AKAP13: variants seen among roughly 807,000 people sequenced by gnomAD.
The protein encoded by AKAP13 is A-kinase anchor protein 13.
AKAP13 carries 80 observed loss-of-function variants against 264.5 expected under a neutral mutation model. The ratio of observed to expected loss-of-function variants is 0.30; its 90% CI spans 0.25 to 0.36. The LOEUF is 0.36. Among genes scored for constraint, AKAP13 ranks in the 10% least tolerant of loss-of-function variants. The pLI is 1.00. For missense variants in AKAP13, 3,712 were observed against 3,435.2 expected, an observed-to-expected ratio of 1.08 and a Z score of -2.01; for synonymous variants, 1,380 against 1,250.2, an observed-to-expected ratio of 1.10 and a Z score of -2.19.
rs1001736114 is a variant in AKAP13 at position 85,610,944 on chromosome 15, G to A, written c.4161+25121G>A. Among the ~76,000 whole-genome samples, 8 of 152,232 alleles carry A rather than the reference G, an allele frequency of 5.3e-5. No homozygotes were observed. In the South Asian group the frequency reaches 8.3e-4, roughly 16 times the overall value. On this transcript the variant is annotated intron_variant, in intron 8 of 36. Transcript: ENST00000394518. ...CAGTGAGTCGACATCGCGCCACTGC[G>A]CTCCAGCCTGGGCAACAAGAGCGAA...
At chr15:85,399,388 C>T (rs922437144) in intron 1 of AKAP13, among the ~76,000 whole-genome samples, 4 of 147,084 alleles carry the variant, frequency 2.7e-5, no homozygotes, top group Non-Finnish European at 3.0e-5. Flanking sequence ...CCCAGCTACT[C>T]GGGAGGCTGA....
chr15:85,741,432 G>A lies in AKAP13; in HGVS notation c.7995G>A (p.Gln2665=), dbSNP rs2151784784. 5.6e-6 allele frequency: 9 copies of A among 1,610,904 alleles called. No homozygotes were observed. The highest frequency in any genetic ancestry group is 7.6e-6 in the Non-Finnish European group (9 of 1,177,620). The change falls in exon 35 of 37, where the codon CAG becomes CAA. Residue 2665 remains glutamine, a synonymous_variant. Transcript: ENST00000394518. ...CCCAGAAACAGCTTGAGAGGGAACA[G>A]GAGCAGCTGCGCCGGGAGGCAGAGC... is the stretch of plus-strand genomic sequence containing the variant. ...RAAQKQLERE[Q]EQLRREAERL...
chr15:85,575,041 A>G (rs2078960189), intron 5 of AKAP13, 90 bp from the exon 6 acceptor site: 1 of 1,280,948 alleles, frequency 7.8e-7, no homozygotes, highest in African/African-American at 1.5e-5. Flanking sequence ...AAGAACAATC[A>G]GGTTAGAAAT....
chr15:85,447,236 C>T (rs928238809), intron 1 of AKAP13, among the ~76,000 whole-genome samples: 7 of 152,086 alleles, frequency 4.6e-5, no homozygotes, highest in Non-Finnish European at 1.0e-4. Context: ...CAGTGCATTC[C>T]AGCCTGGTGA....
At chr15:85,453,458 G>T (rs2074164851) in intron 1 of AKAP13, among the ~76,000 whole-genome samples, 1 of 152,236 alleles carries the variant, frequency 6.6e-6, no homozygotes, top group African/African-American at 2.4e-5. Context: ...TACCAGTGAA[G>T]ACTGTGAAAC....
chr15:85,740,873 G>GAT (rs2088923933), intron 34 of AKAP13, among the ~76,000 whole-genome samples, 173 bp from the exon 35 acceptor site: 1 of 147,890 alleles, frequency 6.8e-6, no homozygotes, highest in Non-Finnish European at 1.5e-5. Context: ...GTTCTTGTAT[G>GAT]ATAAACAGCT....
chr15:85,550,589 T>C (rs138867728), intron 5 of AKAP13, among the ~76,000 whole-genome samples: 2 of 152,350 alleles, frequency 1.3e-5, no homozygotes, highest in East Asian at 3.9e-4. Context: ...AATTTTGCCC[T>C]TTTAGATTCC....
chr15:85,395,486 C>T (rs1353491716), intron 1 of AKAP13, among the ~76,000 whole-genome samples: 3 of 152,014 alleles, frequency 2.0e-5, no homozygotes, highest in South Asian at 2.1e-4. Flanking sequence ...ATTTTACAGC[C>T]GGACATTGAG....
chr15:85,646,697 A>C (rs1465427845), intron 10 of AKAP13, among the ~76,000 whole-genome samples: 3 of 152,194 alleles, frequency 2.0e-5, no homozygotes, highest in African/African-American at 7.2e-5. Context: ...GTGTGGTCAT[A>C]TCACTCATCC....
At chr15:85,690,856 C>T (rs953174521) in intron 16 of AKAP13, among the ~76,000 whole-genome samples, 4 of 152,148 alleles carry the variant, frequency 2.6e-5, no homozygotes, top group Non-Finnish European at 4.4e-5. Context: ...TGGCGTGTGG[C>T]CTCAAATGCA....
At chr15:85,676,101 C>T (rs540113360) in intron 14 of AKAP13, among the ~76,000 whole-genome samples, 5 of 152,116 alleles carry the variant, frequency 3.3e-5, no homozygotes, top group Non-Finnish European at 5.9e-5. Context: ...TTAGTGGAGA[C>T]GGGGTTTCAC....
chr15:85,593,963 T>C (rs555166895), intron 8 of AKAP13, among the ~76,000 whole-genome samples: 2 of 152,328 alleles, frequency 1.3e-5, no homozygotes, highest in East Asian at 3.9e-4. Flanking sequence ...ATTTGGGATA[T>C]TGATGCCTGT....
At chr15:85,616,247 TCTGCCCTAA>T (rs548023920) in intron 8 of AKAP13, among the ~76,000 whole-genome samples, 34 of 152,364 alleles carry the variant, frequency 2.2e-4, no homozygotes, top group Middle Eastern at 6.8e-3. Context: ...CAGATGGGCT[TCTGCCCTAA>T]CTGGAACTAA....
intron 10 of AKAP13, among the ~76,000 whole-genome samples, chr15:85,648,196 T>TG (rs1409296803): frequency 3.9e-5 from 6 of 152,210 alleles, no homozygotes; most frequent in African/African-American, 1.4e-4. Flanking sequence ...AGCTTTAAAA[T>TG]GGGATCATTG....
chr15:85,568,770 TTCAC>T (rs2078699532), intron 5 of AKAP13, among the ~76,000 whole-genome samples: 1 of 152,198 alleles, frequency 6.6e-6, no homozygotes, highest in Admixed American at 6.5e-5. Context: ...ACACATGTAT[TTCAC>T]TCTCAATACA....
intron 1 of AKAP13, among the ~76,000 whole-genome samples, chr15:85,458,393 G>GTTTTT (rs4037636): frequency 0.014 from 1,658 of 120,578 alleles, 50 homozygotes; most frequent in African/African-American, 0.037. Context: ...TTTGTTTTTT[G>GTTTTT]TTTTTTTTTT....
chr15:85,554,200 A>G (rs921187494), intron 5 of AKAP13, among the ~76,000 whole-genome samples: 1 of 152,138 alleles, frequency 6.6e-6, no homozygotes, highest in South Asian at 2.1e-4. Context: ...GTGTGTCCCT[A>G]TTGTTTAACA....
chr15:85,455,738 C>T (rs1375029268), intron 1 of AKAP13, among the ~76,000 whole-genome samples: 2 of 152,032 alleles, frequency 1.3e-5, no homozygotes, highest in African/African-American at 4.8e-5. Context: ...CAAAGGCGCA[C>T]AGTCCATCCC....
rs148368566 is a variant in AKAP13, at chr15:85,581,487, C to G, written c.3419C>G (p.Ala1140Gly). 4 of 1,614,078 alleles carry G rather than the reference C, an allele frequency of 2.5e-6. No individual in the cohort carries two copies. Among genetic ancestry groups the G allele is most frequent in the Non-Finnish European group, 3.4e-6 (4 of 1,180,038 alleles). The change falls in exon 7 of 37, where the codon GCT becomes GGT. Residue 1140 changes from alanine (A) to glycine (G), a missense_variant. Ala to Gly is a moderately conservative substitution (Grantham distance 60, BLOSUM62 0). Coordinates refer to ENST00000394518, the MANE Select transcript of AKAP13 (RefSeq NM_007200.5). Reference sequence around the variant, plus strand: ...TTGCCAGTGGCTCTACAGGACAAAGCTGTGACTGACCCACAGGGAGTTGGA... The same window carrying G: ...TTGCCAGTGGCTCTACAGGACAAAGGTGTGACTGACCCACAGGGAGTTGGA... Reference protein sequence around the residue: ...LGLPVALQDKAVTDPQGVGTP... With the variant: ...LGLPVALQDKGVTDPQGVGTP...
Sources: allele counts gnomAD v4.1 joint callset (sites outside exome capture counted in the v4.1 genomes callset), GRCh38; gene constraint gnomAD v4.1.1; transcripts MANE v1.5; gene names NCBI Gene and HGNC (gene_info 2026-07-23, HGNC 2026-07-21).